Variants in RHOT1 observed in about 807,000 individuals in gnomAD.
The protein encoded by RHOT1 is ras homolog family member T1, also known as mitochondrial Rho GTPase 1.
A neutral mutation model predicts 95.3 loss-of-function variants in RHOT1; 27 were observed. The observed-to-expected ratio is 0.28, with a 90% CI of 0.21 to 0.39. RHOT1 has a LOEUF of 0.39. Among genes scored for constraint, RHOT1 ranks in the 10% least tolerant of loss-of-function variants. The pLI, the probability that RHOT1 is intolerant of heterozygous loss-of-function variation, is 1.00. For synonymous variants in RHOT1, 227 were observed against 263.5 expected (o/e 0.86, Z 1.34); for missense variants, 578 against 786.7 (o/e 0.73, Z 3.17).
intron 16 of RHOT1, among the ~76,000 whole-genome samples, chr17:32,205,527 G>A (rs560910450): frequency 3.3e-5 from 5 of 152,278 alleles, no homozygotes; most frequent in African/African-American, 1.2e-4. Flanking sequence ...AAATGTATAG[G>A]CTACTCTAGG....
In RHOT1 at chr17:32,164,265, C is replaced by T. The variant is rs115795285; in HGVS notation, c.38-6778C>T. Among the ~76,000 whole-genome samples, 1,218 of 151,960 alleles carry T rather than the reference C, an allele frequency of 8.0e-3. 21 individuals carry two copies. Among genetic ancestry groups the T allele is most frequent in the African/African-American group, 0.028 (1,179 of 41,470 alleles). ...TTTTTTCTTTTTTTAGACGGAGTGT[C>T]GCTCCGTCGCCAGGCTGGAGTGCAG... is the stretch of plus-strand genomic sequence containing the variant. On this transcript the variant is annotated intron_variant, in intron 1 of 19. Transcript: ENST00000545287.
chr17:32,182,013 C>A, intron 6 of RHOT1, among the ~76,000 whole-genome samples: 1 of 152,198 alleles, frequency 6.6e-6, no homozygotes, highest in Admixed American at 6.5e-5. Flanking sequence ...CTCTACATGG[C>A]AGATTTCATC....
At chr17:32,149,621 A>G (rs1297460155) in intron 1 of RHOT1, among the ~76,000 whole-genome samples, 6,015 of 83,826 alleles carry the variant, frequency 0.072, 767 homozygotes, top group African/African-American at 0.34. Flanking sequence ...ATATATATAT[A>G]TATATATATA....
At chr17:32,193,274 A>C in intron 10 of RHOT1, 30 bp downstream of exon 10, 1 of 1,447,658 alleles carries the variant, frequency 6.9e-7, no homozygotes, top group Non-Finnish European at 9.7e-7. Context: ...CCCCCTTTTG[A>C]AACTTAATAT....
chr17:32,149,150 G>GT (rs1330703363), intron 1 of RHOT1, among the ~76,000 whole-genome samples: 1 of 152,000 alleles, frequency 6.6e-6, no homozygotes, highest in Admixed American at 6.6e-5. Flanking sequence ...TGAAGGATAA[G>GT]TTTTTTGTCC....
At chr17:32,188,601 C>G (rs2036231462) in intron 8 of RHOT1, among the ~76,000 whole-genome samples, 1 of 152,186 alleles carries the variant, frequency 6.6e-6, no homozygotes, top group African/African-American at 2.4e-5. Context: ...GTGGACAACA[C>G]TAACTTCAAA....
At chr17:32,175,547 C>T (rs982874105) in intron 4 of RHOT1, among the ~76,000 whole-genome samples, 185 bp downstream of exon 4, 3 of 152,196 alleles carry the variant, frequency 2.0e-5, no homozygotes, top group Admixed American at 6.5e-5. Context: ...ACCTCCATCT[C>T]GCAGGCTCAA....
At chr17:32,180,092 G>A (rs1598374125) in intron 6 of RHOT1, 3 of 153,980 alleles carry the variant, frequency 1.9e-5, no homozygotes, top group East Asian at 1.9e-4. Context: ...CGGCCACCCT[G>A]TCTGGGAAGT....
chr17:32,211,303 CTA>C (rs1567725970), intron 19 of RHOT1, 65 bp downstream of exon 19: 1 of 1,465,474 alleles, frequency 6.8e-7, no homozygotes, highest in South Asian at 1.4e-5. Context: ...AAGCGGATAA[CTA>C]TTTATTATAC....
intron 19 of RHOT1, among the ~76,000 whole-genome samples, chr17:32,213,698 C>G (rs2038274166): frequency 6.6e-6 from 1 of 152,182 alleles, no homozygotes; most frequent in Non-Finnish European, 1.5e-5. Context: ...TTGCTGATCA[C>G]AAACCACCTA....
chr17:32,199,698 A>G (rs1045918291), intron 13 of RHOT1, 148 bp downstream of exon 13: 2 of 552,808 alleles, frequency 3.6e-6, no homozygotes, highest in African/African-American at 3.9e-5. Flanking sequence ...TGATATCTCT[A>G]AGATGAACTA....
chr17:32,143,643 A>G lies in RHOT1; in HGVS notation c.37+914A>G, dbSNP rs62062441. 9.1e-4 allele frequency among the ~76,000 whole-genome samples: 138 copies of G among 152,322 alleles called. 1 individual carries two copies. Among genetic ancestry groups the G allele is most frequent in the Non-Finnish European group, 9.7e-4 (66 of 68,030 alleles). ...TAATAAAGGAGAGTTCCCTCTGTTC[A>G]CTGACATGAGGACGCAACAGCGGGG... On this transcript the variant is annotated intron_variant, in intron 1 of 19. Transcript: ENST00000545287.
Position 32,211,100 on chromosome 17 carries a change from C to T in RHOT1, c.1740-16C>T. On this transcript the variant is annotated splice_polypyrimidine_tract_variant and intron_variant, in intron 18 of 19. Transcript: ENST00000545287. ...AAGTAAGAACTCAACTCCTGTCCTTCTGTGTGTTTTCGCAGCCATGCCCGG... is the reference window on the plus strand; with the variant it reads ...AAGTAAGAACTCAACTCCTGTCCTTTTGTGTGTTTTCGCAGCCATGCCCGG... The T allele has an allele frequency of 6.3e-7, 1 of 1,595,244 alleles. No individual in the cohort carries two copies. The highest frequency in any genetic ancestry group is 2.2e-5 in the East Asian group (1 of 44,562).
intron 1 of RHOT1, among the ~76,000 whole-genome samples, chr17:32,158,814 C>T (rs1439607669): frequency 6.6e-6 from 1 of 152,208 alleles, no homozygotes; most frequent in Non-Finnish European, 1.5e-5. Flanking sequence ...CACGTACCCT[C>T]TGAGTTCCGA....
chr17:32,148,834 A>G (rs992397328), intron 1 of RHOT1, among the ~76,000 whole-genome samples: 1 of 152,210 alleles, frequency 6.6e-6, no homozygotes, highest in African/African-American at 2.4e-5. Context: ...AGAGAATGTT[A>G]TTTCTGCTTC....
At chr17:32,218,437 G>A (rs565277082) in intron 19 of RHOT1, among the ~76,000 whole-genome samples, 11 of 151,624 alleles carry the variant, frequency 7.3e-5, no homozygotes, top group Admixed American at 1.3e-4. Flanking sequence ...AGCCCAGGAG[G>A]TCAAAGCTGT....
chr17:32,201,007 A>G lies in RHOT1; in HGVS notation c.1152A>G (p.Leu384=), dbSNP rs779149404. The change falls in exon 14 of 20, where the codon CTA becomes CTG. Residue 384 remains leucine (L), a synonymous_variant. Transcript: ENST00000545287. ...VQRCLEYLGY[L]GYSILTEQES... ...GGTGCCTGGAATATTTGGGCTATCT[A>G]GGCTATTCAATATTGACTGAGCAAG... 6.2e-7 allele frequency: 1 copy of G among 1,612,720 alleles called. No homozygotes were observed. Among genetic ancestry groups the G allele is most frequent in the Admixed American group, 1.7e-5 (1 of 59,862 alleles).
chr17:32,221,185 C>T (rs568539264), intron 19 of RHOT1: 111 of 224,806 alleles, frequency 4.9e-4, no homozygotes, highest in Middle Eastern at 2.3e-3. Context: ...GTGGCCAACA[C>T]GGTAAAACCC....
At position 32,143,273 on chromosome 17, in the gene RHOT1, A is replaced by G. The variant is rs923319036; in HGVS notation, c.37+544A>G. On this transcript the variant is annotated intron_variant, in intron 1 of 19. Transcript: ENST00000545287. ...GGTCAGGTTTCTGCATTTTTTTGGC[A>G]CTCGCAGTCTTCACTCTCTCTATGT... is the stretch of plus-strand genomic sequence containing the variant. 1.7e-5 allele frequency: 6 copies of G among 362,410 alleles called. No homozygotes were observed. In the East Asian group the frequency reaches 2.9e-4, roughly 18 times the overall value. The allele number at this position is 362,410 out of a possible 1,614,324, so 22.4% of individuals were successfully genotyped here.
Sources: gnomAD v4.1 joint callset for allele counts (sites outside exome capture counted in the v4.1 genomes callset) on GRCh38, gnomAD v4.1.1 for gene constraint, MANE v1.5 for transcripts, NCBI Gene and HGNC (gene_info 2026-07-23, HGNC 2026-07-21) for gene names.